Variants in GCM2 observed in about 807,000 individuals in gnomAD.
GCM2 encodes GCM transcription factor 2.
In GCM2, 21 loss-of-function variants were observed where a neutral mutation model predicts 24.8. The ratio of observed to expected loss-of-function variants is 0.85; its 90% confidence interval spans 0.60 to 1.22. The LOEUF is 1.22. GCM2 is among the 50% of genes most tolerant of loss of function. The probability of loss-of-function intolerance (pLI) is 0.00; values close to 1 mark genes in which losing one functional copy is unlikely to be tolerated. For synonymous variants in GCM2, 222 were observed against 238.0 expected (o/e 0.93, Z 0.62); for missense variants, 532 against 645.6 (o/e 0.82, Z 1.91).
At chr6:10,880,831 G>A (rs1180258209) in intron 1 of GCM2, among the ~76,000 whole-genome samples, 1 of 152,170 alleles carries the variant, frequency 6.6e-6, no homozygotes, top group Non-Finnish European at 1.5e-5. Flanking sequence ...CAGTTAGGGA[G>A]GTCTGAGCAA....
chr6:10,881,609 T>G, intron 1 of GCM2, 95 bp downstream of exon 1: 1 of 637,798 alleles, frequency 1.6e-6, no homozygotes, highest in Non-Finnish European at 2.7e-6. Flanking sequence ...TGTGTGTGTA[T>G]GGTCCGTCCG....
intron 4 of GCM2, 77 bp from the exon 5 acceptor site, chr6:10,875,010 G>GT: frequency 9.8e-7 from 1 of 1,019,014 alleles, no homozygotes; most frequent in East Asian, 2.4e-5. Context: ...TAGCCTAGAA[G>GT]TAAGTAAAAA....
At chr6:10,879,479 T>TAC (rs1189987288) in intron 1 of GCM2, among the ~76,000 whole-genome samples, 5 of 152,118 alleles carry the variant, frequency 3.3e-5, no homozygotes, top group South Asian at 2.1e-4. Flanking sequence ...TGTGTGTGTG[T>TAC]ACATACACAC....
In GCM2 at chr6:10,877,204, C is replaced by A. The variant is rs1581806135; in HGVS notation, c.279G>T (p.Leu93=). The change falls in exon 2 of 5, where the codon CTG becomes CTT. Residue 93 remains leucine (L), a synonymous_variant. Transcript: ENST00000379491. ...GVVVCTQACT[L]PDGSRLQLRP... ...TCAGCTGCAGGCGGGAACCGTCGGG[C>A]AGGGTGCAGGCCTGTGTACACACCA... 1.2e-6 allele frequency: 2 copies of A among 1,613,994 alleles called. No individual in the cohort carries two copies. Among genetic ancestry groups the A allele is most frequent in the African/African-American group, 2.7e-5 (2 of 74,958 alleles).
Position 10,881,759 on chromosome 6 carries a change from A to T in GCM2, c.35T>A (p.Val12Glu), listed in dbSNP as rs750411431. The change falls in exon 1 of 5, where the codon GTG (valine) becomes GAG (glutamate). Residue 12 changes from valine (V) to glutamate (E), a missense_variant. Physicochemically the swap from Val to Glu is moderately radical, Grantham distance 121 (BLOSUM62 -2). Transcript: ENST00000379491. ...GCTGAGCTGCATCCCGTAGGAGCAC[A>T]CGCCGACCGCTTCCTGCACCGCGGC... ...PAAAVQEAVG[V>E]CSYGMQLSWD... 34 of 1,610,492 alleles carry T rather than the reference A, an allele frequency of 2.1e-5. No individual in the cohort carries two copies. In the Middle Eastern group the frequency reaches 2.0e-3, roughly 94 times the overall value.
rs765546248 is a variant in GCM2, at chr6:10,874,271, G to T, written c.1245C>A (p.Asn415Lys). Residue 415 changes from asparagine to lysine, a missense_variant, in exon 5 of 5, where the codon AAC becomes AAA. Coordinates refer to ENST00000379491, the MANE Select transcript of GCM2 (RefSeq NM_004752.4). ...VREVKSLSSC[N>K]YAPEDTGMSV... ...ACATCCCAGTATCTTCAGGAGCATA[G>T]TTACAGCTCGAAAGGCTCTTCACCT... is the stretch of plus-strand genomic sequence containing the variant. 1.9e-6 allele frequency: 3 copies of T among 1,614,112 alleles called. No homozygotes were observed. The African/African-American group carries it at 4.0e-5, about 22-fold the overall frequency.
At chr6:10,878,537 T>C (rs1250403915) in intron 1 of GCM2, among the ~76,000 whole-genome samples, 9 of 152,174 alleles carry the variant, frequency 5.9e-5, no homozygotes, top group African/African-American at 1.4e-4. Flanking sequence ...CAGGATGGTC[T>C]TGATCTTCCT....
At chr6:10,875,842 T>C (rs1779870311) in intron 4 of GCM2, 49 bp downstream of exon 4, 2 of 1,593,204 alleles carry the variant, frequency 1.3e-6, no homozygotes, top group East Asian at 4.5e-5. Context: ...CAGCGTATCT[T>C]GGGATGAAAA....
chr6:10,881,246 C>T (rs766699962), intron 1 of GCM2, among the ~76,000 whole-genome samples: 2 of 152,120 alleles, frequency 1.3e-5, no homozygotes, highest in African/African-American at 4.8e-5. Flanking sequence ...GCAACCTCTG[C>T]CTCTCGGGTT....
In GCM2 at chr6:10,875,980, T is replaced by C. The variant is rs1561671931; in HGVS notation, c.493A>G (p.Lys165Glu). Reference protein sequence around the residue: ...GVHDHPRPESKSETEARRSAI... With the variant: ...GVHDHPRPESESETEARRSAI... ...CTTCTTCTAGCTTCTGTCTCTGATT[T>C]GCTCTCTGGTCTTGGATGATCATGA... Residue 165 changes from lysine (K) to glutamate (E), a missense_variant, in exon 4 of 5, where the codon AAA (lysine) becomes GAA (glutamate). Physicochemically the swap from Lys to Glu is moderately conservative, Grantham distance 56. Transcript: ENST00000379491. The C allele has an allele frequency of 6.2e-7, 1 of 1,613,958 alleles. No homozygotes were observed. Among genetic ancestry groups the C allele is most frequent in the South Asian group, 1.1e-5 (1 of 91,082 alleles).
chr6:10,878,369 A>AG (rs933392557), intron 1 of GCM2, among the ~76,000 whole-genome samples: 7 of 151,850 alleles, frequency 4.6e-5, no homozygotes, highest in Non-Finnish European at 8.8e-5. Flanking sequence ...CCCAGGCTGG[A>AG]GTGTAGTAGC....
At chr6:10,881,668 G>T in intron 1 of GCM2, 36 bp downstream of exon 1, 2 of 1,499,542 alleles carry the variant, frequency 1.3e-6, no homozygotes, top group Non-Finnish European at 9.2e-7. Context: ...CGGATGGACA[G>T]CGCCCCGCGT....
intron 1 of GCM2, among the ~76,000 whole-genome samples, chr6:10,878,404 C>T (rs148636609): frequency 0.021 from 3,185 of 152,158 alleles, 121 homozygotes; most frequent in African/African-American, 0.073. Flanking sequence ...CTGCAACCTC[C>T]GCCTCCCAGG....
intron 1 of GCM2, among the ~76,000 whole-genome samples, chr6:10,878,092 G>A (rs1475386259): frequency 6.6e-6 from 1 of 152,150 alleles, no homozygotes; most frequent in African/African-American, 2.4e-5. Context: ...GCTTTGGGGT[G>A]TGGGTGAGCT....
At chr6:10,881,603 TG>T in intron 1 of GCM2, 100 bp downstream of exon 1, 4 of 566,074 alleles carry the variant, frequency 7.1e-6, no homozygotes, top group Non-Finnish European at 6.4e-6. Flanking sequence ...TGTGTGTGTG[TG>T]TGTATGGTCC....
rs1398021887 is a variant in GCM2, at chr6:10,873,660, AC to A, written c.*334del. On this transcript the variant is annotated 3_prime_UTR_variant, in exon 5 of 5. Coordinates refer to ENST00000379491, the MANE Select transcript of GCM2 (RefSeq NM_004752.4). Reference sequence around the variant, plus strand: ...TAATGGGAAAAGTCCTAGAATAAGAACCAGAATCCTTGACTTCTACTCCTGC... The same window carrying A: ...TAATGGGAAAAGTCCTAGAATAAGAACAGAATCCTTGACTTCTACTCCTGC... The A allele has an allele frequency of 3.3e-5, 12 of 360,000 alleles. No homozygotes were observed. Among genetic ancestry groups the A allele is most frequent in the Non-Finnish European group, 6.4e-5 (12 of 187,814 alleles). The allele number at this position is 360,000 out of a possible 1,614,324, so 22.3% of individuals were successfully genotyped here.
In GCM2 at chr6:10,874,467, T is replaced by G. The variant is rs753300824; in HGVS notation, c.1049A>C (p.Gln350Pro). 22 of 1,614,052 alleles carry G rather than the reference T, an allele frequency of 1.4e-5. No homozygotes were observed. The highest frequency in any genetic ancestry group is 1.9e-5 in the Non-Finnish European group (22 of 1,180,002). The change falls in exon 5 of 5, where the codon CAG (glutamine) becomes CCG (proline). Residue 350 changes from glutamine to proline, a missense_variant. Coordinates refer to ENST00000379491, the MANE Select transcript of GCM2 (RefSeq NM_004752.4). Reference protein sequence around the residue: ...PSLVERTNHGQFQAMATRPYY... With the variant: ...PSLVERTNHGPFQAMATRPYY... ...AGGGCGAGTGGCCATGGCCTGAAACTGCCCATGGTTAGTCCTTTCCACAAG... is the reference window on the plus strand; with the variant it reads ...AGGGCGAGTGGCCATGGCCTGAAACGGCCCATGGTTAGTCCTTTCCACAAG...
intron 1 of GCM2, among the ~76,000 whole-genome samples, chr6:10,879,186 T>C (rs1261978742): frequency 6.6e-6 from 1 of 152,224 alleles, no homozygotes; most frequent in Non-Finnish European, 1.5e-5. Context: ...ATGAAATATA[T>C]AATGATGTGC....
intron 1 of GCM2, among the ~76,000 whole-genome samples, chr6:10,881,054 C>T (rs1328170983): frequency 6.6e-6 from 1 of 152,220 alleles, no homozygotes; most frequent in East Asian, 1.9e-4. Context: ...TCCCGCTCTC[C>T]CCAAGACTGG....
Sources: allele counts gnomAD v4.1 joint callset (sites outside exome capture counted in the v4.1 genomes callset), GRCh38; gene constraint gnomAD v4.1.1; transcripts MANE v1.5; gene names NCBI Gene and HGNC (gene_info 2026-07-23, HGNC 2026-07-21).